Variants in MERTK observed in about 807,000 individuals in gnomAD.
MERTK encodes tyrosine-protein kinase Mer.
Under a neutral mutation model 99.3 loss-of-function variants are expected in MERTK, and 69 were observed. The observed-to-expected ratio is 0.70, with a 90% CI of 0.57 to 0.85. The LOEUF (loss-of-function observed/expected upper bound fraction) is 0.85. MERTK is among the 40% of genes least tolerant of loss of function. MERTK has a pLI of 0.00. For synonymous variants in MERTK, 426 were observed against 467.6 expected (o/e 0.91, Z 1.15); for missense variants, 1,125 against 1,249.4 (o/e 0.90, Z 1.50).
intron 8 of MERTK, among the ~76,000 whole-genome samples, chr2:111,993,694 A>C (rs555138739): frequency 1.3e-5 from 2 of 152,344 alleles, no homozygotes; most frequent in South Asian, 4.1e-4. Context: ...TTAAAATAAC[A>C]TACAAATAAA....
chr2:111,931,617 T>C (rs980367851), intron 2 of MERTK, among the ~76,000 whole-genome samples: 1 of 149,400 alleles, frequency 6.7e-6, no homozygotes, highest in African/African-American at 2.5e-5. Flanking sequence ...ACCTGGGAGA[T>C]GGAGGTTGCA....
At chr2:112,003,235 C>A (rs775627935) in intron 12 of MERTK, 48 bp downstream of exon 12, 1 of 878,916 alleles carries the variant, frequency 1.1e-6, no homozygotes, top group Non-Finnish European at 1.9e-6. Flanking sequence ...AAGAAGGTAG[C>A]AGTTTAGAAT....
rs769030123 is a variant in MERTK at position 111,947,552 on chromosome 2, G to A, written c.742G>A (p.Val248Met). 6.6e-5 allele frequency: 107 copies of A among 1,613,906 alleles called. No individual in the cohort carries two copies. Among genetic ancestry groups the A allele is most frequent in the Non-Finnish European group, 8.3e-5 (98 of 1,180,022 alleles). Residue 248 changes from valine to methionine, a missense_variant, in exon 4 of 19, where the codon GTG becomes ATG. Physicochemically the swap from Val to Met is conservative, Grantham distance 21 (BLOSUM62 1). Transcript: ENST00000295408. ...VNEQPEKSPS[V>M]LTVPGLTEMA... ...CGAACAGCCTGAAAAATCCCCCTCC[G>A]TGCTAACTGTTCCAGGTAAGTCCGA...
rs758487622 is a variant in MERTK at position 112,008,370 on chromosome 2, T to G, written c.1868-13T>G. 1.9e-6 allele frequency: 3 copies of G among 1,604,708 alleles called. No individual in the cohort carries two copies. In the South Asian group the frequency reaches 3.3e-5, roughly 18 times the overall value. On this transcript the variant is annotated splice_polypyrimidine_tract_variant and intron_variant, in intron 13 of 18. Transcript: ENST00000295408. ...AATTATCCATACTTAACCTTTTCTA[T>G]TTTCTCCTCTAGTGGACAACTCTTC...
chr2:111,899,719 TG>T (rs1439199459), intron 1 of MERTK, among the ~76,000 whole-genome samples: 1 of 152,134 alleles, frequency 6.6e-6, no homozygotes, highest in East Asian at 1.9e-4. Flanking sequence ...GGTTTCACCA[TG>T]TTGGCCAGGA....
intron 2 of MERTK, among the ~76,000 whole-genome samples, chr2:111,944,533 A>ATTCCTTAAAATAATTCCCCT (rs1265922025): frequency 6.6e-6 from 1 of 151,258 alleles, no homozygotes; most frequent in Non-Finnish European, 1.5e-5. Context: ...TTAAGGAATT[A>ATTCCTTAAAATAATTCCCCT]GCTCACACAC....
chr2:111,907,291 G>A (rs1684154774), intron 1 of MERTK, among the ~76,000 whole-genome samples: 1 of 152,202 alleles, frequency 6.6e-6, no homozygotes, highest in African/African-American at 2.4e-5. Context: ...GCGCATGCCT[G>A]TAATCCCAGC....
chr2:111,981,064 G>A (rs181246748), intron 7 of MERTK, among the ~76,000 whole-genome samples: 6 of 152,244 alleles, frequency 3.9e-5, no homozygotes, highest in Admixed American at 2.0e-4. Context: ...GATTTCATAG[G>A]CAGCTTTAGT....
chr2:112,029,023 T>C lies in MERTK; in HGVS notation c.*159T>C, dbSNP rs1677527991. 1 of 1,460,588 alleles carries C rather than the reference T, an allele frequency of 6.8e-7. No homozygotes were observed. Among genetic ancestry groups the C allele is most frequent in the African/African-American group, 1.4e-5 (1 of 70,134 alleles). 90.5% of individuals were successfully genotyped at this position (1,460,588 alleles called of 1,614,324 possible). A position where few individuals can be genotyped will look rare whatever the true frequency, so the allele number is the denominator to read the frequency against. On this transcript the variant is annotated 3_prime_UTR_variant, in exon 19 of 19. Transcript: ENST00000295408. ...TTGTTAAGTAAGCTGTCATTAAAAA[T>C]ACATAATATATATTTATTTAAAGAG...
intron 1 of MERTK, among the ~76,000 whole-genome samples, chr2:111,902,698 T>C (rs1035965866): frequency 6.6e-6 from 1 of 152,108 alleles, no homozygotes; most frequent in African/African-American, 2.4e-5. Context: ...CCTGCCAAAG[T>C]ATCATATGCA....
At chr2:111,903,515 C>T (rs1684083054) in intron 1 of MERTK, among the ~76,000 whole-genome samples, 2 of 152,234 alleles carry the variant, frequency 1.3e-5, no homozygotes, top group Admixed American at 1.3e-4. Context: ...AAACACAGTT[C>T]TAACAACTCC....
At chr2:111,913,070 G>A in intron 1 of MERTK, 1 of 985,312 alleles carries the variant, frequency 1.0e-6, no homozygotes, top group South Asian at 4.7e-5. Flanking sequence ...TTTCTGTGTG[G>A]GTTGATACAG....
intron 15 of MERTK, among the ~76,000 whole-genome samples, chr2:112,012,234 G>A (rs997213121): frequency 1.0e-4 from 8 of 76,194 alleles, no homozygotes; most frequent in East Asian, 3.5e-4. Context: ...CCTTCCCCCC[G>A]CCCCCCACAT....
chr2:111,909,743 C>A (rs539029173), intron 1 of MERTK, among the ~76,000 whole-genome samples: 1 of 152,234 alleles, frequency 6.6e-6, no homozygotes, highest in African/African-American at 2.4e-5. Flanking sequence ...TCCAGGCCTT[C>A]TCCCTGTACC....
chr2:111,912,071 C>T (rs1449673155), intron 1 of MERTK, among the ~76,000 whole-genome samples: 4 of 151,866 alleles, frequency 2.6e-5, no homozygotes, highest in South Asian at 2.1e-4. Flanking sequence ...GGTGCGATCT[C>T]GGCTCACTGC....
chr2:111,899,776 A>ATT (rs1684010552), intron 1 of MERTK, among the ~76,000 whole-genome samples: 1 of 152,054 alleles, frequency 6.6e-6, no homozygotes, highest in Non-Finnish European at 1.5e-5. Context: ...TTGGCCTCCC[A>ATT]AAGTTCTGGG....
intron 18 of MERTK, among the ~76,000 whole-genome samples, chr2:112,023,157 G>C (rs922111849): frequency 2.0e-5 from 3 of 152,174 alleles, no homozygotes; most frequent in African/African-American, 7.2e-5. Flanking sequence ...GCTCACGCTT[G>C]TAATCCCAGC....
chr2:111,954,954 T>A (rs1685121446), intron 4 of MERTK, among the ~76,000 whole-genome samples: 2 of 152,210 alleles, frequency 1.3e-5, no homozygotes, highest in South Asian at 4.1e-4. Context: ...TTTAGTTTGA[T>A]ACCTGAGTCC....
chr2:111,965,199 G>C lies in MERTK; in HGVS notation c.766G>C (p.Glu256Gln), dbSNP rs764872103. 1.4e-5 allele frequency: 22 copies of C among 1,614,094 alleles called. No homozygotes were observed. The South Asian group carries it at 2.4e-4, about 18-fold the overall frequency. Residue 256 changes from glutamate (E) to glutamine (Q), a missense_variant, in exon 5 of 19, where the codon GAG (glutamate) becomes CAG (glutamine). Transcript: ENST00000295408. ...PSVLTVPGLT[E>Q]MAVFSCEAHN... is the part of the protein sequence containing the mutation. ...GTCTCCTTCCATTCCAGGCCTGACGGAGATGGCGGTCTTCAGTTGTGAGGC... is the reference window on the plus strand; with the variant it reads ...GTCTCCTTCCATTCCAGGCCTGACGCAGATGGCGGTCTTCAGTTGTGAGGC...
Sources: gnomAD v4.1 joint callset for allele counts (sites outside exome capture counted in the v4.1 genomes callset) on GRCh38, gnomAD v4.1.1 for gene constraint, MANE v1.5 for transcripts, NCBI Gene and HGNC (gene_info 2026-07-23, HGNC 2026-07-21) for gene names.